The following PDZD9 variants were observed in gnomAD, a reference collection of about 807,000 sequenced individuals.
PDZD9 encodes the protein PDZ domain containing 9, also known as PDZ domain-containing protein 9.
A neutral mutation model predicts 16.3 loss-of-function variants in PDZD9; 13 were observed. The observed-to-expected ratio is 0.80, with a 90% CI of 0.52 to 1.27. The LOEUF (loss-of-function observed/expected upper bound fraction) is 1.27. Ranked by LOEUF, PDZD9 falls within the 50% of genes most tolerant of loss-of-function variation. The pLI is 0.00. For missense variants in PDZD9, 288 were observed against 310.9 expected (o/e 0.93, Z 0.55); for synonymous variants, 120 against 111.0 (o/e 1.08, Z -0.51).
chr16:21,972,877 G>A, the PDZD9 span, among the ~76,000 whole-genome samples: 6 of 151,540 alleles, frequency 4.0e-5, no homozygotes, highest in South Asian at 2.1e-4. Context: ...CAAGTTGGGC[G>A]GATCACAAGG....
chr16:21,971,246 A>G, the PDZD9 span, among the ~76,000 whole-genome samples: 1 of 152,268 alleles, frequency 6.6e-6, no homozygotes, highest in East Asian at 1.9e-4. Context: ...GTTAGAAACA[A>G]TATCAATAGA....
chr16:21,973,001 G>A, the PDZD9 span, among the ~76,000 whole-genome samples: 1 of 152,330 alleles, frequency 6.6e-6, no homozygotes, highest in Non-Finnish European at 1.5e-5. Flanking sequence ...TTGGGAGGCT[G>A]AGGCAGAAGA....
chr16:21,979,761 T>A (rs1898671646), downstream of PDZD9, among the ~76,000 whole-genome samples: 3 of 152,210 alleles, frequency 2.0e-5, no homozygotes, highest in South Asian at 6.2e-4. Flanking sequence ...TAAATTTATT[T>A]TTTTAAAATT....
intron 2 of PDZD9, among the ~76,000 whole-genome samples, chr16:21,992,731 C>T (rs1230173082): frequency 6.6e-6 from 1 of 152,162 alleles, no homozygotes; most frequent in Non-Finnish European, 1.5e-5. Flanking sequence ...GCTACACTGT[C>T]GGCTTCCCAA....
At chr16:21,977,239 A>G in the PDZD9 span, among the ~76,000 whole-genome samples, 1 of 152,084 alleles carries the variant, frequency 6.6e-6, no homozygotes, top group South Asian at 2.1e-4. Flanking sequence ...CTGTAGCCTC[A>G]GCTACTCAGG....
At chr16:21,995,098 G>C (rs1899114366) in intron 2 of PDZD9, 1 of 396,884 alleles carries the variant, frequency 2.5e-6, no homozygotes, top group Non-Finnish European at 5.1e-6. Context: ...CCTGGGGGGA[G>C]GTGACTGGAT....
downstream of PDZD9, chr16:21,983,182 C>T (rs757803485): frequency 6.2e-7 from 1 of 1,611,426 alleles, no homozygotes; most frequent in Non-Finnish European, 8.5e-7. Context: ...TACTGATGCA[C>T]ACATTACAGG....
intron 2 of PDZD9, among the ~76,000 whole-genome samples, chr16:21,990,090 G>A (rs1898986225): frequency 6.6e-6 from 1 of 152,202 alleles, no homozygotes; most frequent in Non-Finnish European, 1.5e-5. Flanking sequence ...GATTCTGTCA[G>A]ACTCAGTATC....
chr16:21,976,136 A>G, the PDZD9 span: 1 of 1,567,196 alleles, frequency 6.4e-7, no homozygotes, highest in South Asian at 1.1e-5. Flanking sequence ...GGTACTGACC[A>G]CAGATGACCA....
At chr16:21,996,634 G>T in intron 1 of PDZD9, 133 bp from the exon 2 acceptor site, 2 of 932,542 alleles carry the variant, frequency 2.1e-6, no homozygotes, top group Non-Finnish European at 3.1e-6. Flanking sequence ...TCAGTAAAAT[G>T]AGGATAAAAA....
the PDZD9 span, chr16:21,968,782 A>G: frequency 9.1e-7 from 1 of 1,094,514 alleles, no homozygotes; most frequent in Non-Finnish European, 1.3e-6. Context: ...AAATTTGAAA[A>G]CTTCGGCCTT....
Position 21,984,457 on chromosome 16 carries a change from A to C in PDZD9, c.605T>G (p.Ile202Ser), listed in dbSNP as rs140204566. Reference sequence around the variant, plus strand: ...TCTGTGAATCATCACGTCACAATTAATGTCTTTTCCTACACTAATAGTATG... The same window carrying C: ...TCTGTGAATCATCACGTCACAATTACTGTCTTTTCCTACACTAATAGTATG... Reference protein sequence around the residue: ...KNHTISVGKDINCDVMIHRDD... With the variant: ...KNHTISVGKDSNCDVMIHRDD... Residue 202 changes from isoleucine to serine, a missense_variant, in exon 4 of 4, where the codon ATT (isoleucine) becomes AGT (serine). Physicochemically the swap from Ile to Ser is moderately radical, Grantham distance 142. Transcript: ENST00000424898. 1.2e-6 allele frequency: 2 copies of C among 1,613,754 alleles called. No individual in the cohort carries two copies. Among genetic ancestry groups the C allele is most frequent in the Non-Finnish European group, 1.7e-6 (2 of 1,179,750 alleles).
At chr16:21,957,568 T>C in the PDZD9 span, 3 of 1,613,872 alleles carry the variant, frequency 1.9e-6, no homozygotes, top group Non-Finnish European at 2.5e-6. Context: ...TCCAGTCTGG[T>C]GAGTATCTTC....
chr16:21,976,179 G>A, the PDZD9 span: 1 of 1,613,908 alleles, frequency 6.2e-7, no homozygotes, highest in Non-Finnish European at 8.5e-7. Flanking sequence ...TATCAAGGCT[G>A]CCTATAATCA....
chr16:21,990,774 CTT>C (rs1899002933), intron 2 of PDZD9, among the ~76,000 whole-genome samples: 1 of 152,162 alleles, frequency 6.6e-6, no homozygotes, highest in Non-Finnish European at 1.5e-5. Context: ...AAAAGTGTGA[CTT>C]TTATCAAGAG....
At chr16:21,991,566 A>G (rs1899023410) in intron 2 of PDZD9, among the ~76,000 whole-genome samples, 1 of 152,164 alleles carries the variant, frequency 6.6e-6, no homozygotes, top group Non-Finnish European at 1.5e-5. Flanking sequence ...AGAATGTCAG[A>G]ATCTGTTAAG....
intron 1 of PDZD9, 141 bp downstream of exon 1, chr16:22,000,876 A>ATG (rs1899283125): frequency 2.8e-5 from 15 of 545,244 alleles, no homozygotes; most frequent in Middle Eastern, 2.8e-4. Context: ...TGATGATGAT[A>ATG]ATGATGATGA....
the PDZD9 span, chr16:21,971,871 C>A: frequency 6.2e-7 from 1 of 1,606,560 alleles, no homozygotes. Flanking sequence ...AGAATGAAAC[C>A]AATGGTGAAC....
chr16:21,994,721 G>A (rs1247386249), intron 2 of PDZD9, among the ~76,000 whole-genome samples: 1 of 152,132 alleles, frequency 6.6e-6, no homozygotes, highest in Non-Finnish European at 1.5e-5. Context: ...ATATCTTTAC[G>A]CACTGAGAGC....
Sources: gnomAD v4.1 joint callset for allele counts (sites outside exome capture counted in the v4.1 genomes callset) on GRCh38, gnomAD v4.1.1 for gene constraint, MANE v1.5 for transcripts, NCBI Gene and HGNC (gene_info 2026-07-23, HGNC 2026-07-21) for gene names.